CACNG2: variants seen among roughly 807,000 people sequenced by gnomAD.
CACNG2 encodes the protein voltage-dependent calcium channel gamma-2 subunit.
Under a neutral mutation model 25.9 loss-of-function variants are expected in CACNG2, and 3 were observed. The observed-to-expected ratio is 0.12, with a 90% CI of 0.05 to 0.30. The LOEUF is 0.30. Among genes scored for constraint, CACNG2 ranks in the 10% least tolerant of loss-of-function variants. The pLI is 1.00. For synonymous variants in CACNG2, 167 were observed against 173.3 expected, an observed-to-expected ratio of 0.96 and a Z score of 0.29; for missense variants, 341 against 432.5, an observed-to-expected ratio of 0.79 and a Z score of 1.88.
intron 1 of CACNG2, among the ~76,000 whole-genome samples, chr22:36,621,744 G>C (rs2267354): frequency 0.096 from 14,658 of 152,124 alleles, 870 homozygotes; most frequent in East Asian, 0.23. Context: ...TCCCCTGCCA[G>C]TGCAGGCTCC....
At position 36,654,875 on chromosome 22, in the gene CACNG2, C is replaced by T. The variant is rs111314478; in HGVS notation, c.211+47491G>A. ...GGGACGTATTCTTGCTGTTCCTATC[C>T]TAATTTAGTTTTTTGCCAAACTGGT... On this transcript the variant is annotated intron_variant, in intron 1 of 3. Coordinates refer to ENST00000300105, the MANE Select transcript of CACNG2 (RefSeq NM_006078.5). 4.7e-3 allele frequency among the ~76,000 whole-genome samples: 720 copies of T among 152,148 alleles called. 5 individuals are homozygous for T. The highest frequency in any genetic ancestry group is 0.016 in the African/African-American group (672 of 41,510).
intron 2 of CACNG2, among the ~76,000 whole-genome samples, chr22:36,569,592 T>C (rs1372007297): frequency 6.6e-6 from 1 of 152,186 alleles, no homozygotes; most frequent in Non-Finnish European, 1.5e-5. Context: ...CAGGCTGGAG[T>C]GCAGTGGCGT....
chr22:36,681,072 G>T (rs550372506), intron 1 of CACNG2, among the ~76,000 whole-genome samples: 1 of 151,984 alleles, frequency 6.6e-6, no homozygotes, highest in Non-Finnish European at 1.5e-5. Context: ...TCTTTTTCAC[G>T]AGTAAGTTAG....
intron 1 of CACNG2, among the ~76,000 whole-genome samples, chr22:36,603,717 A>C (rs895930753): frequency 1.3e-5 from 2 of 152,250 alleles, no homozygotes; most frequent in Non-Finnish European, 2.9e-5. Context: ...TACATGCAGC[A>C]TATCTATTTA....
intron 2 of CACNG2, among the ~76,000 whole-genome samples, chr22:36,567,019 G>A (rs1039658839): frequency 7.2e-5 from 11 of 152,102 alleles, no homozygotes; most frequent in African/African-American, 2.2e-4. Flanking sequence ...CCTTGGGCAC[G>A]CTGAGAGGCA....
chr22:36,686,648 C>T (rs1297512956), intron 1 of CACNG2, among the ~76,000 whole-genome samples: 1 of 152,148 alleles, frequency 6.6e-6, no homozygotes, highest in East Asian at 1.9e-4. Context: ...CATGAGTGAG[C>T]TGCTACTACG....
chr22:36,582,143 C>T (rs4821503), intron 2 of CACNG2, among the ~76,000 whole-genome samples: 74,737 of 152,016 alleles, frequency 0.49, 18,872 homozygotes, highest in East Asian at 0.56. Context: ...ACTCTTCTGT[C>T]GGCTTCTGCC....
chr22:36,649,959 C>A (rs1345404954), intron 1 of CACNG2, among the ~76,000 whole-genome samples: 1 of 152,190 alleles, frequency 6.6e-6, no homozygotes, highest in African/African-American at 2.4e-5. Flanking sequence ...AGTGTGAGAA[C>A]AGACTAATAC....
intron 1 of CACNG2, among the ~76,000 whole-genome samples, chr22:36,668,575 A>G (rs1222868555): frequency 6.6e-6 from 1 of 151,716 alleles, no homozygotes; most frequent in Non-Finnish European, 1.5e-5. Context: ...TGCAGCTTCA[A>G]CCCCTGGGGC....
chr22:36,691,211 G>C (rs1178232780), intron 1 of CACNG2, among the ~76,000 whole-genome samples: 1 of 152,188 alleles, frequency 6.6e-6, no homozygotes, highest in Admixed American at 6.5e-5. Context: ...CAGGTGGGAG[G>C]GAGCAGGGTG....
chr22:36,609,119 C>G (rs189286675), intron 1 of CACNG2, among the ~76,000 whole-genome samples: 42 of 152,162 alleles, frequency 2.8e-4, no homozygotes, highest in Admixed American at 2.2e-3. Context: ...CAGGAATCAG[C>G]CCCCTAGAGT....
chr22:36,622,883 C>T (rs559455341), intron 1 of CACNG2, among the ~76,000 whole-genome samples: 35 of 151,274 alleles, frequency 2.3e-4, no homozygotes, highest in African/African-American at 7.8e-4. Flanking sequence ...CGCTTGAACC[C>T]GGGAGGCAGA....
chr22:36,702,822 T>G lies in CACNG2; in HGVS notation c.-246A>C. On this transcript the variant is annotated 5_prime_UTR_variant, in exon 1 of 4. Coordinates refer to ENST00000300105, the MANE Select transcript of CACNG2 (RefSeq NM_006078.5). ...GCTTGCCTTTTGAGATCAGAAACTG[T>G]TCCAGTTGCAGTGTTTTTTTTTTAA... is the stretch of plus-strand genomic sequence containing the variant. 2.6e-6 allele frequency: 1 copy of G among 379,050 alleles called. No individual in the cohort carries two copies. The highest frequency in any genetic ancestry group is 4.6e-6 in the Non-Finnish European group (1 of 215,854). 23.5% of individuals were successfully genotyped at this position (379,050 alleles called of 1,614,324 possible). A position where few individuals can be genotyped will look rare whatever the true frequency, so the allele number is the denominator to read the frequency against.
At chr22:36,588,983 TAC>T (rs958349970) in intron 1 of CACNG2, among the ~76,000 whole-genome samples, 53 of 124,958 alleles carry the variant, frequency 4.2e-4, no homozygotes, top group African/African-American at 1.4e-3. Context: ...TTATTACATA[TAC>T]CTTTTTTTTT....
At chr22:36,690,561 C>T (rs1383148343) in intron 1 of CACNG2, among the ~76,000 whole-genome samples, 3 of 152,174 alleles carry the variant, frequency 2.0e-5, no homozygotes, top group Non-Finnish European at 2.9e-5. Context: ...AAGCACTCTA[C>T]GTGGAGCATC....
chr22:36,670,121 T>A (rs1170524065), intron 1 of CACNG2, among the ~76,000 whole-genome samples: 1 of 152,198 alleles, frequency 6.6e-6, no homozygotes, highest in Non-Finnish European at 1.5e-5. Flanking sequence ...CTTCATTCAT[T>A]CAAAACATCG....
chr22:36,692,068 A>C lies in CACNG2; in HGVS notation c.211+10298T>G, dbSNP rs552231055. On this transcript the variant is annotated intron_variant, in intron 1 of 3. Transcript: ENST00000300105. ...AAATGAGACAGGAGAGCCATGGGGC[A>C]AAACTGGGATAAGAATTGGTCTAGG... 4.6e-5 allele frequency among the ~76,000 whole-genome samples: 7 copies of C among 152,346 alleles called. No homozygotes were observed. The South Asian group carries it at 1.2e-3, about 27-fold the overall frequency.
intron 3 of CACNG2, 131 bp downstream of exon 3, chr22:36,566,222 A>C: frequency 1.1e-6 from 1 of 947,694 alleles, no homozygotes; most frequent in South Asian, 1.4e-5. Context: ...CTCCCCTGCA[A>C]CACGACCTAG....
chr22:36,569,267 T>C (rs2145907642), intron 2 of CACNG2, among the ~76,000 whole-genome samples: 1 of 152,268 alleles, frequency 6.6e-6, no homozygotes, highest in Admixed American at 6.5e-5. Context: ...TGCCCCAATT[T>C]ACAGACAAGA....
Sources: gnomAD v4.1 joint callset for allele counts (sites outside exome capture counted in the v4.1 genomes callset) on GRCh38, gnomAD v4.1.1 for gene constraint, MANE v1.5 for transcripts, NCBI Gene and HGNC (gene_info 2026-07-23, HGNC 2026-07-21) for gene names.